The following CTNNA3 variants were observed in gnomAD, a reference collection of about 807,000 sequenced individuals.
CTNNA3 encodes the protein catenin alpha-3.
In CTNNA3, 76 loss-of-function variants were observed where a neutral mutation model predicts 95.7. The observed-to-expected ratio is 0.79, with a 90% CI of 0.66 to 0.96. CTNNA3 has a LOEUF of 0.96. Ranked by LOEUF, CTNNA3 falls within the 40% of genes least tolerant of loss-of-function variation. The probability of loss-of-function intolerance (pLI) is 0.00; values close to 1 mark genes in which losing one functional copy is unlikely to be tolerated. For synonymous variants in CTNNA3, 431 were observed against 374.4 expected, an observed-to-expected ratio of 1.15 and a Z score of -1.74; for missense variants, 1,191 against 1,089.8, an observed-to-expected ratio of 1.09 and a Z score of -1.31.
intron 15 of CTNNA3, among the ~76,000 whole-genome samples, chr10:66,002,610 A>G (rs2078792160): frequency 6.6e-6 from 1 of 152,190 alleles, no homozygotes; most frequent in African/African-American, 2.4e-5. Context: ...GTGGTGGGCT[A>G]TGTACCACAT....
intron 1 of CTNNA3, chr10:67,750,293 T>C: frequency 6.6e-7 from 1 of 1,521,706 alleles, no homozygotes; most frequent in East Asian, 2.3e-5. Flanking sequence ...CATGGCCATC[T>C]TTGTGGAGCT....
At chr10:66,842,514 T>G (rs372567898) in intron 7 of CTNNA3, among the ~76,000 whole-genome samples, 5 of 152,154 alleles carry the variant, frequency 3.3e-5, no homozygotes, top group African/African-American at 1.2e-4. Context: ...CGCTGAAATC[T>G]AAACTGGTCA....
intron 17 of CTNNA3, among the ~76,000 whole-genome samples, chr10:65,961,929 GA>G (rs957104538): frequency 6.6e-6 from 1 of 152,070 alleles, no homozygotes; most frequent in African/African-American, 2.4e-5. Flanking sequence ...CGGAAGCCAA[GA>G]AAAGTGAAGC....
intron 10 of CTNNA3, among the ~76,000 whole-genome samples, chr10:66,604,261 CA>C (rs1437052396): frequency 6.6e-6 from 1 of 152,020 alleles, no homozygotes; most frequent in African/African-American, 2.4e-5. Context: ...AAAACAAAAA[CA>C]AAAAATCCAA....
At chr10:67,189,154 CAG>C (rs1296863606) in intron 6 of CTNNA3, among the ~76,000 whole-genome samples, 2 of 143,120 alleles carry the variant, frequency 1.4e-5, no homozygotes, top group Non-Finnish European at 3.0e-5. Context: ...AAAAAAAAAA[CAG>C]AAAATTCTGT....
At chr10:65,999,109 T>A (rs1416079401) in intron 15 of CTNNA3, among the ~76,000 whole-genome samples, 1 of 152,186 alleles carries the variant, frequency 6.6e-6, no homozygotes, top group Non-Finnish European at 1.5e-5. Context: ...TTAATCATTA[T>A]AATATTTGAG....
intron 13 of CTNNA3, among the ~76,000 whole-genome samples, chr10:66,123,891 G>T (rs1430914702): frequency 6.6e-6 from 1 of 152,128 alleles, no homozygotes; most frequent in Non-Finnish European, 1.5e-5. Context: ...AGGGACCCTG[G>T]GCCTGGCCCA....
At chr10:66,166,421 G>A (rs1316359372) in intron 13 of CTNNA3, among the ~76,000 whole-genome samples, 1 of 150,878 alleles carries the variant, frequency 6.6e-6, no homozygotes, top group Non-Finnish European at 1.5e-5. Context: ...TTGAACCCAG[G>A]AGGCAGAGTT....
chr10:66,130,715 G>T (rs2083050102), intron 13 of CTNNA3, among the ~76,000 whole-genome samples: 1 of 151,870 alleles, frequency 6.6e-6, no homozygotes, highest in South Asian at 2.1e-4. Context: ...AATGAGCCTG[G>T]CATGGTGGCA....
At chr10:65,968,829 T>C (rs72808350) in intron 16 of CTNNA3, among the ~76,000 whole-genome samples, 1 of 152,148 alleles carries the variant, frequency 6.6e-6, no homozygotes, top group Admixed American at 6.5e-5. Context: ...CAGCTCCATA[T>C]CTAGGCACAC....
At chr10:67,359,281 C>T (rs949747860) in intron 5 of CTNNA3, among the ~76,000 whole-genome samples, 17 of 151,444 alleles carry the variant, frequency 1.1e-4, no homozygotes, top group Non-Finnish European at 2.1e-4. Flanking sequence ...CACTAGCCCT[C>T]TCAGGTGAGA....
chr10:67,229,231 C>A (rs184959326), intron 5 of CTNNA3, among the ~76,000 whole-genome samples: 119 of 152,260 alleles, frequency 7.8e-4, no homozygotes, highest in Middle Eastern at 6.8e-3. Flanking sequence ...ATGATCATCT[C>A]AATAGATGCA....
chr10:67,118,555 T>C (rs1194613100), intron 7 of CTNNA3, among the ~76,000 whole-genome samples: 1 of 151,964 alleles, frequency 6.6e-6, no homozygotes, highest in Non-Finnish European at 1.5e-5. Flanking sequence ...TAGCATGAAC[T>C]CTATTATATC....
At chr10:66,601,756 T>C (rs1843933058) in intron 10 of CTNNA3, among the ~76,000 whole-genome samples, 1 of 151,800 alleles carries the variant, frequency 6.6e-6, no homozygotes, top group South Asian at 2.1e-4. Context: ...AAATAATGAC[T>C]ATTGGTGTAC....
intron 5 of CTNNA3, among the ~76,000 whole-genome samples, chr10:67,367,131 A>G (rs866881977): frequency 6.6e-5 from 10 of 152,198 alleles, no homozygotes; most frequent in South Asian, 2.1e-4. Flanking sequence ...GAAACTATCA[A>G]CAGAATAAAA....
At chr10:67,272,531 C>T (rs183613151) in intron 5 of CTNNA3, among the ~76,000 whole-genome samples, 24 of 152,040 alleles carry the variant, frequency 1.6e-4, no homozygotes, top group East Asian at 1.2e-3. Flanking sequence ...CCAGCCTGAG[C>T]GATAGGGTAA....
intron 10 of CTNNA3, among the ~76,000 whole-genome samples, chr10:66,534,469 CATATATATAT>C (rs58455418): frequency 0.08 from 11,778 of 146,742 alleles, 755 homozygotes; most frequent in East Asian, 0.35. Context: ...TTATAAAAAT[CATATATATAT>C]ATATATATAT....
intron 4 of CTNNA3, among the ~76,000 whole-genome samples, chr10:67,526,947 C>T (rs555922675): frequency 9.9e-5 from 15 of 152,240 alleles, no homozygotes; most frequent in South Asian, 2.1e-4. Context: ...GGAAAAATGA[C>T]GAAATCATTG....
chr10:67,726,607 A>G (rs1162748073), intron 1 of CTNNA3, among the ~76,000 whole-genome samples: 1 of 34,024 alleles, frequency 2.9e-5, no homozygotes, highest in Non-Finnish European at 5.5e-5. Context: ...ATTACATATT[A>G]TATAATATAT....
Sources: gnomAD v4.1 joint callset for allele counts (sites outside exome capture counted in the v4.1 genomes callset) on GRCh38, gnomAD v4.1.1 for gene constraint, MANE v1.5 for transcripts, NCBI Gene and HGNC (gene_info 2026-07-23, HGNC 2026-07-21) for gene names.